Variants in NDST3 observed in about 807,000 individuals in gnomAD.
NDST3 encodes bifunctional heparan sulfate N-deacetylase/N-sulfotransferase 3.
In NDST3, 58 loss-of-function variants were observed where a neutral mutation model predicts 96.1. The ratio of observed to expected loss-of-function variants is 0.60; its 90% CI spans 0.49 to 0.75. The LOEUF is 0.75. Ranked by LOEUF, NDST3 falls within the 30% of genes least tolerant of loss-of-function variation. The pLI is 0.00. For synonymous variants in NDST3, 333 were observed against 359.7 expected (o/e 0.93, Z 0.84); for missense variants, 788 against 1,034.2 (o/e 0.76, Z 3.27).
intron 2 of NDST3, among the ~76,000 whole-genome samples, chr4:118,088,975 G>A (rs1728654832): frequency 6.6e-6 from 1 of 151,866 alleles, no homozygotes; most frequent in Non-Finnish European, 1.5e-5. Flanking sequence ...AAGCAATTGA[G>A]TTTCATAGTT....
intron 2 of NDST3, among the ~76,000 whole-genome samples, chr4:118,085,957 C>T (rs1275570039): frequency 2.0e-5 from 3 of 152,170 alleles, no homozygotes. Flanking sequence ...GTCGTTACTT[C>T]GCATTTATCT....
chr4:118,244,669 AT>A (rs1741202048), intron 12 of NDST3, among the ~76,000 whole-genome samples: 1 of 152,184 alleles, frequency 6.6e-6, no homozygotes, highest in African/African-American at 2.4e-5. Flanking sequence ...AATTTAAGAT[AT>A]CTCTAAACTT....
At chr4:118,078,828 C>A (rs1156669309) in intron 2 of NDST3, among the ~76,000 whole-genome samples, 1 of 151,916 alleles carries the variant, frequency 6.6e-6, no homozygotes, top group East Asian at 1.9e-4. Flanking sequence ...GTTTAACCCA[C>A]TTCACCATCA....
At chr4:118,049,107 T>G (rs1724930456) in intron 1 of NDST3, among the ~76,000 whole-genome samples, 1 of 152,136 alleles carries the variant, frequency 6.6e-6, no homozygotes, top group Non-Finnish European at 1.5e-5. Flanking sequence ...ATTAAATAAC[T>G]TGCTCCTGAA....
At chr4:118,177,397 T>A (rs1736343192) in intron 6 of NDST3, among the ~76,000 whole-genome samples, 1 of 152,048 alleles carries the variant, frequency 6.6e-6, no homozygotes. Flanking sequence ...TGCAAAAGCA[T>A]CCTTCTACCA....
chr4:118,127,261 T>C lies in NDST3; in HGVS notation c.1225-10793T>C, dbSNP rs1732185024. On this transcript the variant is annotated intron_variant, in intron 4 of 13. Transcript: ENST00000296499. ...GCTTGTGGGGTATTACCCAAGACATTTTTGCCAAGACCAATGTCTTGGAGA... is the reference window on the plus strand; with the variant it reads ...GCTTGTGGGGTATTACCCAAGACATCTTTGCCAAGACCAATGTCTTGGAGA... 2.0e-5 allele frequency among the ~76,000 whole-genome samples: 3 copies of C among 151,976 alleles called. No homozygotes were observed. In the South Asian group the frequency reaches 6.2e-4, roughly 32 times the overall value.
intron 1 of NDST3, among the ~76,000 whole-genome samples, chr4:118,050,717 A>G (rs183390782): frequency 5.9e-4 from 90 of 152,282 alleles, no homozygotes; most frequent in African/African-American, 2.0e-3. Flanking sequence ...GATGAAATAA[A>G]TCAAAGACAA....
At chr4:118,074,442 A>G (rs1240980525) in intron 2 of NDST3, among the ~76,000 whole-genome samples, 1 of 152,130 alleles carries the variant, frequency 6.6e-6, no homozygotes, top group Non-Finnish European at 1.5e-5. Context: ...GTTAGATGCA[A>G]ATATATTTAG....
rs192447277 is a variant in NDST3, at chr4:118,055,691, A to G, written c.981+800A>G. On this transcript the variant is annotated intron_variant, in intron 2 of 13. Transcript: ENST00000296499. Reference sequence around the variant, plus strand: ...AGTTTCCAATTCGAAATGTCATAGGATTCTATCTCTGTTATACTATGTATT... The same window carrying G: ...AGTTTCCAATTCGAAATGTCATAGGGTTCTATCTCTGTTATACTATGTATT... 1.7e-3 allele frequency: 254 copies of G among 152,084 alleles called. 1 individual carries two copies. Among genetic ancestry groups the G allele is most frequent in the African/African-American group, 5.9e-3 (245 of 41,554 alleles). 9.4% of individuals were successfully genotyped at this position (152,084 alleles called of 1,614,324 possible). A position where few individuals can be genotyped will look rare whatever the true frequency, so the allele number is the denominator to read the frequency against.
intron 5 of NDST3, among the ~76,000 whole-genome samples, chr4:118,140,252 A>G (rs1733463778): frequency 6.6e-6 from 1 of 152,174 alleles, no homozygotes; most frequent in Non-Finnish European, 1.5e-5. Flanking sequence ...ATCAAATCCC[A>G]TATCTTAAAT....
chr4:118,216,073 G>A (rs374315471), intron 6 of NDST3, among the ~76,000 whole-genome samples: 1 of 152,272 alleles, frequency 6.6e-6, no homozygotes, highest in South Asian at 2.1e-4. Context: ...TTCTCTAACT[G>A]TGCTGAAGAG....
At chr4:118,067,780 G>A (rs960723657) in intron 2 of NDST3, among the ~76,000 whole-genome samples, 1 of 152,006 alleles carries the variant, frequency 6.6e-6, no homozygotes, top group Admixed American at 6.6e-5. Flanking sequence ...GGGAGGAAGA[G>A]CATCAGGACA....
At position 118,171,265 on chromosome 4, in the gene NDST3, A is replaced by G. The variant is rs544993398; in HGVS notation, c.1539+27581A>G. Among the ~76,000 whole-genome samples, 15 of 152,268 alleles carry G rather than the reference A, an allele frequency of 9.9e-5. No individual in the cohort carries two copies. The East Asian group carries it at 2.5e-3, about 25-fold the overall frequency. ...TTTCTCACTACCCCCAAAAAGGCCT[A>G]CAAATTTGGGCCAGGAGAGGCAATC... On this transcript the variant is annotated intron_variant, in intron 6 of 13. Coordinates refer to ENST00000296499, the MANE Select transcript of NDST3 (RefSeq NM_004784.3).
chr4:118,137,134 G>A (rs1243055612), intron 4 of NDST3, among the ~76,000 whole-genome samples: 1 of 152,160 alleles, frequency 6.6e-6, no homozygotes, highest in African/African-American at 2.4e-5. Context: ...TTCTGTGTAT[G>A]TGAAACTGTT....
intron 2 of NDST3, among the ~76,000 whole-genome samples, chr4:118,066,298 ATTATGTATT>A (rs1726423459): frequency 2.3e-4 from 1 of 4,408 alleles, no homozygotes; most frequent in African/African-American, 2.6e-4. Flanking sequence ...TATTATATAT[ATTATGTATT>A]ATATATATTA....
intron 2 of NDST3, among the ~76,000 whole-genome samples, chr4:118,066,119 ATT>A (rs1491466046): frequency 2.1e-4 from 17 of 79,220 alleles, no homozygotes; most frequent in Admixed American, 1.7e-3. Context: ...TATTTTATAT[ATT>A]ATATATATTA....
chr4:118,035,380 A>C (rs1425019366), intron 1 of NDST3, among the ~76,000 whole-genome samples: 2 of 152,008 alleles, frequency 1.3e-5, no homozygotes, highest in Admixed American at 6.6e-5. Flanking sequence ...GTATTAAATT[A>C]AAATACAAAT....
At chr4:118,104,996 T>C in intron 2 of NDST3, 22 bp from the exon 3 acceptor site, 1 of 1,601,252 alleles carries the variant, frequency 6.2e-7, no homozygotes, top group Non-Finnish European at 8.5e-7. Flanking sequence ...ACCTGATACA[T>C]TTTTTAAATT....
intron 6 of NDST3, among the ~76,000 whole-genome samples, chr4:118,156,084 C>G (rs1347666652): frequency 1.3e-5 from 2 of 152,106 alleles, no homozygotes; most frequent in African/African-American, 2.4e-5. Context: ...AATTTCTTCA[C>G]TTGAAAAAAA....
Sources: gnomAD v4.1 joint callset for allele counts (sites outside exome capture counted in the v4.1 genomes callset) on GRCh38, gnomAD v4.1.1 for gene constraint, MANE v1.5 for transcripts, NCBI Gene and HGNC (gene_info 2026-07-23, HGNC 2026-07-21) for gene names.